NDRG3: variants seen among roughly 807,000 people sequenced by gnomAD.
The protein encoded by NDRG3 is NDRG family member 3.
NDRG3 carries 23 observed loss-of-function variants against 57.2 expected under a neutral mutation model. The observed-to-expected ratio is 0.40, with a 90% confidence interval of 0.29 to 0.57. NDRG3 has a LOEUF of 0.57. Ranked by LOEUF, NDRG3 falls within the 20% of genes least tolerant of loss-of-function variation. NDRG3 has a pLI of 0.42. For synonymous variants in NDRG3, 132 were observed against 162.6 expected (o/e 0.81, Z 1.43); for missense variants, 384 against 457.3 (o/e 0.84, Z 1.46).
At chr20:36,709,744 A>G (rs1449306147) in intron 2 of NDRG3, among the ~76,000 whole-genome samples, 1 of 152,206 alleles carries the variant, frequency 6.6e-6, no homozygotes, top group African/African-American at 2.4e-5. Context: ...TAGGATATAA[A>G]TGGCCAGCCA....
At chr20:36,682,708 T>A in intron 6 of NDRG3, 130 bp from the exon 7 acceptor site, 1 of 750,566 alleles carries the variant, frequency 1.3e-6, no homozygotes, top group Non-Finnish European at 2.2e-6. Context: ...TTTGGGCAAG[T>A]GTTTTTTTTC....
rs1367610252 is a variant in NDRG3, at chr20:36,656,342, A to G, written c.946+18T>C. 6.2e-7 allele frequency: 1 copy of G among 1,609,864 alleles called. No individual in the cohort carries two copies. The highest frequency in any genetic ancestry group is 1.7e-5 in the Admixed American group (1 of 59,484). On this transcript the variant is annotated intron_variant, in intron 15 of 15. Transcript: ENST00000349004. ...TATTCCTAAATCGTTGCTAGATAGA[A>G]AGTTGTGTACTACTCACTGTAGCCC... is the stretch of plus-strand genomic sequence containing the variant.
At chr20:36,717,489 A>G (rs889558032) in intron 2 of NDRG3, among the ~76,000 whole-genome samples, 1 of 152,250 alleles carries the variant, frequency 6.6e-6, no homozygotes, top group African/African-American at 2.4e-5. Flanking sequence ...ATGCCAAAAC[A>G]TCTATAGGAT....
At chr20:36,708,245 A>G (rs1235841178) in intron 2 of NDRG3, among the ~76,000 whole-genome samples, 2 of 152,174 alleles carry the variant, frequency 1.3e-5, no homozygotes, top group Non-Finnish European at 2.9e-5. Context: ...AATGACTTCT[A>G]GAAGGTTCCT....
intron 6 of NDRG3, 30 bp downstream of exon 6, chr20:36,684,383 A>G (rs779770288): frequency 1.3e-6 from 2 of 1,581,968 alleles, no homozygotes; most frequent in South Asian, 2.2e-5. Context: ...GTCAATAAAA[A>G]CTGCATGAAA....
At chr20:36,729,359 G>T (rs1347278424) in intron 1 of NDRG3, among the ~76,000 whole-genome samples, 1 of 152,146 alleles carries the variant, frequency 6.6e-6, no homozygotes, top group Non-Finnish European at 1.5e-5. Flanking sequence ...GCTATTTCTT[G>T]CTTGTTAGAA....
chr20:36,721,738 G>C lies in NDRG3; in HGVS notation c.-3C>G. 6.2e-7 allele frequency: 1 copy of C among 1,603,546 alleles called. No homozygotes were observed. Among genetic ancestry groups the C allele is most frequent in the South Asian group, 1.1e-5 (1 of 90,544 alleles). On this transcript the variant is annotated 5_prime_UTR_variant, in exon 2 of 16. Transcript: ENST00000349004. ...TGAACATCCTGAAGTTCATCCATGA[G>C]GTCAGATAACGAGAGTAGAGGAATC...
Position 36,693,106 on chromosome 20 carries a change from ATATATATATATATATATATAT to A in NDRG3, c.94-4343_94-4323del, listed in dbSNP as rs1256375726. Among the ~76,000 whole-genome samples, 5 of 16,264 alleles carry A rather than the reference ATATATATATATATATATATAT, an allele frequency of 3.1e-4. 1 individual carries two copies. The highest frequency in any genetic ancestry group is 1.9e-3 in the African/African-American group (5 of 2,696). 10.7% of individuals were successfully genotyped at this position (16,264 alleles called of 152,430 possible). A position where few individuals can be genotyped will look rare whatever the true frequency, so the allele number is the denominator to read the frequency against. On this transcript the variant is annotated intron_variant, in intron 3 of 15. Coordinates refer to ENST00000349004, the MANE Select transcript of NDRG3 (RefSeq NM_032013.4). Reference sequence around the variant, plus strand: ...AAAAAAAAAAAAAAAAAAAAAAAAAATATATATATATATATATATATATATATATATATATACACACACACA... The same window carrying A: ...AAAAAAAAAAAAAAAAAAAAAAAAAAATATATATATATATACACACACACA...
chr20:36,693,668 A>C (rs1480672057), intron 3 of NDRG3, among the ~76,000 whole-genome samples: 1 of 151,716 alleles, frequency 6.6e-6, no homozygotes, highest in Non-Finnish European at 1.5e-5. Context: ...TTCTCATAGG[A>C]GCATGAACCC....
intron 8 of NDRG3, among the ~76,000 whole-genome samples, chr20:36,680,573 A>G (rs1275109817): frequency 6.6e-6 from 1 of 152,210 alleles, no homozygotes; most frequent in Non-Finnish European, 1.5e-5. Flanking sequence ...TGGTAACAAC[A>G]GTCAGAACAG....
At chr20:36,710,874 G>A (rs1231144453) in intron 2 of NDRG3, among the ~76,000 whole-genome samples, 1 of 151,308 alleles carries the variant, frequency 6.6e-6, no homozygotes, top group Non-Finnish European at 1.5e-5. Context: ...CATCTACTTG[G>A]GAGGCTCAGG....
At chr20:36,699,137 C>T (rs927075771) in intron 3 of NDRG3, among the ~76,000 whole-genome samples, 3 of 151,974 alleles carry the variant, frequency 2.0e-5, no homozygotes, top group East Asian at 1.9e-4. Context: ...CTTGGAGAGA[C>T]GGGGTCTCCA....
intron 3 of NDRG3, among the ~76,000 whole-genome samples, chr20:36,706,387 A>G (rs760664902): frequency 7.9e-5 from 12 of 152,306 alleles, no homozygotes; most frequent in African/African-American, 2.2e-4. Context: ...GAGGTTTCCA[A>G]TATCATGTGA....
intron 1 of NDRG3, among the ~76,000 whole-genome samples, chr20:36,738,690 GCA>G (rs1464813794): frequency 1.3e-5 from 2 of 151,370 alleles, no homozygotes; most frequent in Non-Finnish European, 2.9e-5. Context: ...AGGTGTGGTG[GCA>G]TGCACCTGTA....
chr20:36,671,901 G>A (rs914934685), intron 8 of NDRG3, among the ~76,000 whole-genome samples: 3 of 151,804 alleles, frequency 2.0e-5, no homozygotes, highest in Non-Finnish European at 4.4e-5. Context: ...GAAAAACTAA[G>A]TCTCCTTTGC....
chr20:36,745,789 G>C (rs1288662081), intron 1 of NDRG3, among the ~76,000 whole-genome samples: 1 of 151,804 alleles, frequency 6.6e-6, no homozygotes, highest in Non-Finnish European at 1.5e-5. Context: ...CCGGAGGGAG[G>C]CTCTCTTGCT....
chr20:36,721,632 G>C (rs1231945485), intron 2 of NDRG3, 47 bp downstream of exon 2: 10 of 1,127,718 alleles, frequency 8.9e-6, no homozygotes, highest in Non-Finnish European at 1.3e-5. Flanking sequence ...AATACTATCA[G>C]AAGAAAAGGC....
intron 5 of NDRG3, 136 bp from the exon 6 acceptor site, chr20:36,684,611 A>T (rs1028435735): frequency 5.6e-6 from 4 of 719,964 alleles, no homozygotes; most frequent in Non-Finnish European, 9.6e-6. Flanking sequence ...GCACTTTGGG[A>T]CACCGAGGTG....
intron 3 of NDRG3, among the ~76,000 whole-genome samples, chr20:36,700,211 C>A (rs192781155): frequency 7.3e-5 from 11 of 151,344 alleles, no homozygotes; most frequent in African/African-American, 2.7e-4. Flanking sequence ...GTAAAATTGG[C>A]TCCTTACAAA....
Sources: gnomAD v4.1 joint callset for allele counts (sites outside exome capture counted in the v4.1 genomes callset) on GRCh38, gnomAD v4.1.1 for gene constraint, MANE v1.5 for transcripts, NCBI Gene and HGNC (gene_info 2026-07-23, HGNC 2026-07-21) for gene names.